The following EIF3CL variants were observed in gnomAD, a reference collection of about 807,000 sequenced individuals.
EIF3CL encodes the protein eukaryotic translation initiation factor 3 subunit C-like protein.
For missense variants in EIF3CL, 5 were observed against 56.1 expected, an observed-to-expected ratio of 0.09 and a Z score of 2.91; for synonymous variants, 2 against 19.6, an observed-to-expected ratio of 0.10 and a Z score of 2.37.
the EIF3CL span, chr16:28,414,669 G>C: frequency 2.7e-5 from 9 of 335,558 alleles, no homozygotes; most frequent in East Asian, 8.3e-4. Context: ...GGACGAGCTG[G>C]AAGCCTCCAC....
upstream of EIF3CL, among the ~76,000 whole-genome samples, chr16:28,408,336 G>A (rs868367223): frequency 0.049 from 1,581 of 32,362 alleles, 3 homozygotes; most frequent in African/African-American, 0.18. Flanking sequence ...TATTTAATAG[G>A]TGAATTTTGT....
chr16:28,416,695 A>G, the EIF3CL span, among the ~76,000 whole-genome samples: 3 of 100,988 alleles, frequency 3.0e-5, no homozygotes, highest in Non-Finnish European at 4.2e-5. Context: ...CCCGGCAGCC[A>G]CCCCATCTGG....
upstream of EIF3CL, among the ~76,000 whole-genome samples, chr16:28,405,896 CACACAT>C (rs201715609): frequency 6.5e-5 from 4 of 61,630 alleles, no homozygotes; most frequent in African/African-American, 1.5e-4. Flanking sequence ...CACACACACA[CACACAT>C]ACACACACAC....
chr16:28,408,209 A>C (rs1174682095), upstream of EIF3CL, among the ~76,000 whole-genome samples: 3 of 84,410 alleles, frequency 3.6e-5, no homozygotes, highest in East Asian at 3.3e-4. Flanking sequence ...GTCGCCAAAA[A>C]AAAAAAAAAA....
the EIF3CL span, among the ~76,000 whole-genome samples, chr16:28,417,170 C>T: frequency 2.1e-5 from 3 of 144,336 alleles, no homozygotes; most frequent in African/African-American, 5.3e-5. Context: ...CCCGGCCAGC[C>T]GCCCCGTCCG....
At chr16:28,418,794 T>C in the EIF3CL span, among the ~76,000 whole-genome samples, 10 of 147,456 alleles carry the variant, frequency 6.8e-5, no homozygotes, top group African/African-American at 2.5e-4. Context: ...CACACTCGGC[T>C]AATTTTTGTA....
chr16:28,421,547 T>G, the EIF3CL span, among the ~76,000 whole-genome samples: 1 of 19,772 alleles, frequency 5.1e-5, no homozygotes, highest in South Asian at 1.5e-3. Flanking sequence ...TCTGGCCAGG[T>G]GCGGTGGCTC....
the EIF3CL span, among the ~76,000 whole-genome samples, chr16:28,410,919 G>A: frequency 8.0e-6 from 1 of 124,810 alleles, no homozygotes; most frequent in South Asian, 2.4e-4. Flanking sequence ...CGGTTCTTGA[G>A]CTTCATATAA....
At chr16:28,416,771 C>T in the EIF3CL span, among the ~76,000 whole-genome samples, 2 of 114,790 alleles carry the variant, frequency 1.7e-5, no homozygotes, top group Non-Finnish European at 3.9e-5. Context: ...GGTCAGCCCC[C>T]CCACCCGGCC....
the EIF3CL span, among the ~76,000 whole-genome samples, chr16:28,419,266 A>T: frequency 1.3e-5 from 2 of 150,866 alleles, no homozygotes; most frequent in African/African-American, 2.5e-5. Flanking sequence ...TTGGCCTCCC[A>T]AAGTGCTGGG....
At chr16:28,417,139 G>A in the EIF3CL span, among the ~76,000 whole-genome samples, 1 of 137,038 alleles carries the variant, frequency 7.3e-6, no homozygotes, top group East Asian at 2.2e-4. Context: ...CCGGGAGGGA[G>A]GTTGGGGGGT....
chr16:28,423,809 TA>T, the EIF3CL span, among the ~76,000 whole-genome samples: 1 of 102,190 alleles, frequency 9.8e-6, no homozygotes, highest in African/African-American at 3.3e-5. Flanking sequence ...ATATATATAA[TA>T]TATATATTAT....
At chr16:28,417,738 T>G in the EIF3CL span, among the ~76,000 whole-genome samples, 6 of 130,184 alleles carry the variant, frequency 4.6e-5, no homozygotes, top group Non-Finnish European at 6.8e-5. Context: ...CTTGTTTATC[T>G]GCTGACCTTC....
intron 8 of EIF3CL, among the ~76,000 whole-genome samples, chr16:28,396,870 C>T (rs970321602): frequency 5.8e-5 from 1 of 17,354 alleles, no homozygotes; most frequent in Non-Finnish European, 1.7e-4. Flanking sequence ...CTTTAGGAGG[C>T]CCAGGCAGAA....
rs1251221578 is a variant in EIF3CL at position 28,402,463 on chromosome 16, TA to T, written c.102-860del. Among the ~76,000 whole-genome samples the T allele has an allele frequency of 1.7e-5, 2 of 119,092 alleles. 1 individual carries two copies. The highest frequency in any genetic ancestry group is 6.3e-5 in the African/African-American group (2 of 31,740). 78.1% of individuals were successfully genotyped at this position (119,092 alleles called of 152,430 possible). A position where few individuals can be genotyped will look rare whatever the true frequency, so the allele number is the denominator to read the frequency against. ...TGCCACCACAACCGGCTAATTTTTGTATTTTTAGTAGAGACGGGGTTTCACC... is the reference window on the plus strand; with the variant it reads ...TGCCACCACAACCGGCTAATTTTTGTTTTTTAGTAGAGACGGGGTTTCACC... On this transcript the variant is annotated intron_variant, in intron 2 of 20. Transcript: ENST00000380876.
At chr16:28,417,121 C>T in the EIF3CL span, among the ~76,000 whole-genome samples, 11 of 129,734 alleles carry the variant, frequency 8.5e-5, no homozygotes, top group African/African-American at 2.6e-4. Flanking sequence ...CCCGGCCAGC[C>T]GCCCGGTCCG....
chr16:28,417,850 TA>T, the EIF3CL span, among the ~76,000 whole-genome samples: 1 of 65,896 alleles, frequency 1.5e-5, no homozygotes, highest in African/African-American at 4.7e-5. Flanking sequence ...AAAACTCAAA[TA>T]AAGTTTGCAC....
chr16:28,410,787 CG>C, the EIF3CL span, among the ~76,000 whole-genome samples: 81 of 124,546 alleles, frequency 6.5e-4, no homozygotes, highest in African/African-American at 2.5e-3. Context: ...TTTGTAGAGA[CG>C]GGGGGGGCCT....
chr16:28,415,313 G>T, the EIF3CL span, among the ~76,000 whole-genome samples: 1 of 79,848 alleles, frequency 1.3e-5, no homozygotes, highest in Non-Finnish European at 2.3e-5. Context: ...AGGTCGCCAG[G>T]CTGGTCCGCC....
Sources: gnomAD v4.1 joint callset for allele counts (sites outside exome capture counted in the v4.1 genomes callset) on GRCh38, gnomAD v4.1.1 for gene constraint, MANE v1.5 for transcripts, NCBI Gene and HGNC (gene_info 2026-07-23, HGNC 2026-07-21) for gene names.